Variants in AGBL1 observed in about 807,000 individuals in gnomAD.
AGBL1 encodes cytosolic carboxypeptidase 4.
Under a neutral mutation model 118.9 loss-of-function variants are expected in AGBL1, and 130 were observed. The observed-to-expected ratio is 1.09, with a 90% CI of 0.95 to 1.26. AGBL1 has a LOEUF of 1.26. Among genes scored for constraint, AGBL1 ranks in the 50% most tolerant of loss-of-function variants. The probability of loss-of-function intolerance (pLI) is 0.00; values close to 1 mark genes in which losing one functional copy is unlikely to be tolerated. For synonymous variants in AGBL1, 555 were observed against 478.9 expected (o/e 1.16, Z -2.08); for missense variants, 1,584 against 1,298.1 (o/e 1.22, Z -3.38).
At chr15:87,003,515 T>TAA (rs1229343519) in intron 24 of AGBL1, among the ~76,000 whole-genome samples, 2 of 152,194 alleles carry the variant, frequency 1.3e-5, no homozygotes, top group African/African-American at 4.8e-5. Flanking sequence ...GAGAATTCCC[T>TAA]CTTTTTCTAT....
chr15:86,323,483 G>T (rs1379074500), intron 17 of AGBL1, among the ~76,000 whole-genome samples: 1 of 151,944 alleles, frequency 6.6e-6, no homozygotes, highest in African/African-American at 2.4e-5. Flanking sequence ...GCATTGTCAT[G>T]TTAAATAACT....
intron 22 of AGBL1, among the ~76,000 whole-genome samples, chr15:86,692,944 C>CA (rs2086197554): frequency 6.6e-6 from 1 of 152,072 alleles, no homozygotes; most frequent in Non-Finnish European, 1.5e-5. Context: ...TAATTTGTTC[C>CA]TTTTTATGGC....
chr15:86,311,408 G>C (rs528809764), intron 17 of AGBL1, among the ~76,000 whole-genome samples: 7 of 152,262 alleles, frequency 4.6e-5, no homozygotes, highest in African/African-American at 7.2e-5. Flanking sequence ...TTGAAGGTCT[G>C]TTTGTAATTT....
chr15:86,812,087 G>T (rs765280110), intron 22 of AGBL1, among the ~76,000 whole-genome samples: 1 of 152,192 alleles, frequency 6.6e-6, no homozygotes, highest in Admixed American at 6.5e-5. Flanking sequence ...TAACTGATTA[G>T]TGACAGAGCC....
At chr15:86,100,504 C>CT (rs550107339) in intron 1 of AGBL1, among the ~76,000 whole-genome samples, 39 of 150,764 alleles carry the variant, frequency 2.6e-4, no homozygotes, top group African/African-American at 5.4e-4. Context: ...TGATGGGAGA[C>CT]TTTTTTTTTA....
chr15:86,783,024 T>G (rs558937584), intron 22 of AGBL1, among the ~76,000 whole-genome samples: 1 of 152,330 alleles, frequency 6.6e-6, no homozygotes, highest in African/African-American at 2.4e-5. Context: ...ACATGTATAA[T>G]TAGTTAAAAG....
chr15:86,147,997 A>C (rs536930620), intron 3 of AGBL1, among the ~76,000 whole-genome samples: 1 of 152,336 alleles, frequency 6.6e-6, no homozygotes, highest in Admixed American at 6.5e-5. Flanking sequence ...CAAGGTCTGG[A>C]GTGGAACTCC....
At chr15:86,537,360 G>A (rs187990780) in intron 19 of AGBL1, among the ~76,000 whole-genome samples, 8 of 152,338 alleles carry the variant, frequency 5.3e-5, no homozygotes, top group Admixed American at 2.0e-4. Flanking sequence ...GCAACTGAGC[G>A]AGACAGATGG....
chr15:86,610,954 C>A (rs908082190), intron 21 of AGBL1, among the ~76,000 whole-genome samples: 1 of 152,160 alleles, frequency 6.6e-6, no homozygotes, highest in Non-Finnish European at 1.5e-5. Context: ...AGTGAAAATT[C>A]TCAGATCCAC....
chr15:86,867,962 G>T (rs1338285578), intron 22 of AGBL1, among the ~76,000 whole-genome samples: 1 of 152,156 alleles, frequency 6.6e-6, no homozygotes. Context: ...AGAGAGGTGA[G>T]CCCTTATTTT....
chr15:86,993,048 AT>A, intron 24 of AGBL1, among the ~76,000 whole-genome samples: 1 of 152,160 alleles, frequency 6.6e-6, no homozygotes, highest in Non-Finnish European at 1.5e-5. Context: ...TATGACCAAT[AT>A]TTGTCATTTT....
At chr15:86,814,174 T>C (rs1197740671) in intron 22 of AGBL1, among the ~76,000 whole-genome samples, 1 of 152,180 alleles carries the variant, frequency 6.6e-6, no homozygotes, top group Non-Finnish European at 1.5e-5. Flanking sequence ...CTCTGCCTCT[T>C]GTCAAATCAG....
At chr15:86,262,577 G>A (rs148617011) in intron 9 of AGBL1, 1 of 642,608 alleles carries the variant, frequency 1.6e-6, no homozygotes, top group African/African-American at 1.8e-5. Context: ...TAAATGCTGA[G>A]ACAAGTCCTT....
intron 17 of AGBL1, among the ~76,000 whole-genome samples, chr15:86,338,114 A>G (rs2080403138): frequency 6.6e-6 from 1 of 152,170 alleles, no homozygotes; most frequent in South Asian, 2.1e-4. Flanking sequence ...AAAATGGAGG[A>G]TAAGGGGACA....
intron 21 of AGBL1, among the ~76,000 whole-genome samples, chr15:86,558,030 C>G (rs2083759496): frequency 6.6e-6 from 1 of 152,044 alleles, no homozygotes. Flanking sequence ...GCTGAGATCT[C>G]TTAGACCTGC....
At chr15:86,310,851 C>A (rs1340252953) in intron 17 of AGBL1, among the ~76,000 whole-genome samples, 5 of 152,132 alleles carry the variant, frequency 3.3e-5, no homozygotes. Context: ...ATCATAAATT[C>A]AAACGTATGT....
chr15:87,006,118 G>C (rs2081499226), intron 24 of AGBL1, among the ~76,000 whole-genome samples: 1 of 152,198 alleles, frequency 6.6e-6, no homozygotes, highest in Non-Finnish European at 1.5e-5. Context: ...TTGGGTGCCT[G>C]CCAGTTAGGC....
chr15:86,735,602 CTGTGTGTGTGTGTGTG>C (rs35147328), intron 22 of AGBL1, among the ~76,000 whole-genome samples: 1 of 141,996 alleles, frequency 7.0e-6, no homozygotes, highest in Non-Finnish European at 1.5e-5. Context: ...GAGATACAGA[CTGTGTGTGTGTGTGTG>C]TGTGTGTGTG....
At chr15:86,928,582 A>G (rs921118401) in intron 23 of AGBL1, among the ~76,000 whole-genome samples, 2 of 152,224 alleles carry the variant, frequency 1.3e-5, no homozygotes, top group Admixed American at 6.5e-5. Flanking sequence ...GGAAGAACGT[A>G]TGAGTCTTAA....
Sources: gnomAD v4.1 joint callset for allele counts (sites outside exome capture counted in the v4.1 genomes callset) on GRCh38, gnomAD v4.1.1 for gene constraint, MANE v1.5 for transcripts, NCBI Gene and HGNC (gene_info 2026-07-23, HGNC 2026-07-21) for gene names.